Variants in CCDC125 observed in about 807,000 individuals in gnomAD.
The protein encoded by CCDC125 is coiled-coil domain containing 125, also known as coiled-coil domain-containing protein 125.
CCDC125 carries 43 observed loss-of-function variants against 57.4 expected under a neutral mutation model. The observed-to-expected ratio is 0.75, with a 90% confidence interval of 0.59 to 0.97. The LOEUF (loss-of-function observed/expected upper bound fraction) is 0.97, where lower values mean the gene tolerates loss of function less well. CCDC125 is among the 50% of genes least tolerant of loss of function. CCDC125 has a pLI of 0.00. For synonymous variants in CCDC125, 187 were observed against 195.2 expected (o/e 0.96, Z 0.35); for missense variants, 563 against 595.7 (o/e 0.95, Z 0.57).
chr5:69,279,277 A>T (rs938808496), downstream of CCDC125, among the ~76,000 whole-genome samples: 3 of 148,726 alleles, frequency 2.0e-5, no homozygotes, highest in African/African-American at 7.5e-5. Context: ...GGCTCACTGC[A>T]ACCTCCGCCC....
At chr5:69,326,880 T>A (rs879432324) in intron 1 of CCDC125, among the ~76,000 whole-genome samples, 1 of 151,810 alleles carries the variant, frequency 6.6e-6, no homozygotes. Context: ...TGAGACCTCA[T>A]GTCTACAAAA....
intron 2 of CCDC125, among the ~76,000 whole-genome samples, chr5:69,315,305 G>A (rs1304000489): frequency 6.6e-6 from 1 of 151,668 alleles, no homozygotes; most frequent in Non-Finnish European, 1.5e-5. Context: ...GCTTACACCT[G>A]TAATCCCAGC....
downstream of CCDC125, among the ~76,000 whole-genome samples, chr5:69,277,639 G>A (rs1443409860): frequency 6.6e-6 from 1 of 152,004 alleles, no homozygotes; most frequent in East Asian, 1.9e-4. Context: ...GCGTGGTGGT[G>A]GGCGCCTGTA....
intron 6 of CCDC125, 24 bp from the exon 7 acceptor site, chr5:69,303,953 A>T: frequency 7.6e-7 from 1 of 1,319,964 alleles, no homozygotes; most frequent in Non-Finnish European, 1.1e-6. Flanking sequence ...GCTTTCAAAT[A>T]ACTAAAACAT....
intron 1 of CCDC125, among the ~76,000 whole-genome samples, chr5:69,321,898 G>A (rs549574509): frequency 6.6e-5 from 10 of 151,962 alleles, no homozygotes; most frequent in Non-Finnish European, 1.3e-4. Context: ...GTGTGGTGGC[G>A]CAATCTTGAC....
intron 8 of CCDC125, among the ~76,000 whole-genome samples, chr5:69,298,353 TACA>T (rs1269632780): frequency 2.0e-5 from 3 of 152,156 alleles, no homozygotes; most frequent in Non-Finnish European, 4.4e-5. Flanking sequence ...TGACATAAAA[TACA>T]ATCCTTTTTA....
chr5:69,330,755 T>C (rs1761316618), intron 1 of CCDC125, among the ~76,000 whole-genome samples: 1 of 152,166 alleles, frequency 6.6e-6, no homozygotes, highest in Non-Finnish European at 1.5e-5. Flanking sequence ...CTAGGTCTTC[T>C]AGACCCAAAA....
At position 69,282,856 on chromosome 5, in the gene CCDC125, G is replaced by C; in HGVS notation, c.1409C>G (p.Pro470Arg). ...TAAAATGCAGACACTTGAATGTATA[G>C]GATCACCCAAAACAGAGAATTCTGA... The part of the protein sequence containing the change: ...KTSEFSVLGD[P>R]IHSSVCILNS... Residue 470 changes from proline (P) to arginine (R), a missense_variant, in exon 12 of 12, where the codon CCT becomes CGT. Coordinates refer to ENST00000396496, the MANE Select transcript of CCDC125 (RefSeq NM_176816.5). 1 of 1,614,034 alleles carries C rather than the reference G, an allele frequency of 6.2e-7. No homozygotes were observed. The highest frequency in any genetic ancestry group is 1.1e-5 in the South Asian group (1 of 91,088).
intron 1 of CCDC125, among the ~76,000 whole-genome samples, chr5:69,326,841 A>G (rs988686551): frequency 6.6e-6 from 1 of 152,040 alleles, no homozygotes; most frequent in Non-Finnish European, 1.5e-5. Flanking sequence ...GCTTGAGCCT[A>G]GTAGTTCAGA....
intron 9 of CCDC125, among the ~76,000 whole-genome samples, chr5:69,292,582 C>T (rs572009372): frequency 6.6e-6 from 1 of 152,304 alleles, no homozygotes; most frequent in African/African-American, 2.4e-5. Flanking sequence ...TGCCTGTCAA[C>T]TGCCTGCTAA....
At chr5:69,288,518 G>C (rs563402621) in intron 10 of CCDC125, among the ~76,000 whole-genome samples, 1 of 152,170 alleles carries the variant, frequency 6.6e-6, no homozygotes, top group Non-Finnish European at 1.5e-5. Flanking sequence ...ACGCCAAAGA[G>C]AGCATCCCTT....
intron 2 of CCDC125, 42 bp from the exon 3 acceptor site, chr5:69,314,088 T>G (rs1338888929): frequency 1.5e-6 from 2 of 1,378,168 alleles, no homozygotes; most frequent in South Asian, 1.2e-5. Context: ...GGAAAAATTT[T>G]GAATATTTTA....
intron 10 of CCDC125, among the ~76,000 whole-genome samples, chr5:69,290,741 T>C (rs950695986): frequency 6.6e-6 from 1 of 150,560 alleles, no homozygotes; most frequent in Non-Finnish European, 1.5e-5. Context: ...GCAATTCTCC[T>C]GCCTCAGCCT....
At chr5:69,330,436 A>G (rs1761272934) in intron 1 of CCDC125, among the ~76,000 whole-genome samples, 1 of 152,102 alleles carries the variant, frequency 6.6e-6, no homozygotes, top group Non-Finnish European at 1.5e-5. Flanking sequence ...TCTGCTAAAA[A>G]TACAAAAATT....
At chr5:69,318,536 A>G (rs1041480611) in intron 2 of CCDC125, among the ~76,000 whole-genome samples, 2 of 149,822 alleles carry the variant, frequency 1.3e-5, no homozygotes, top group South Asian at 2.1e-4. Flanking sequence ...TGAGGTCAGG[A>G]GTTTGAAACC....
At chr5:69,287,840 A>C (rs762685784) in intron 10 of CCDC125, among the ~76,000 whole-genome samples, 1 of 151,966 alleles carries the variant, frequency 6.6e-6, no homozygotes, top group Non-Finnish European at 1.5e-5. Context: ...AAGCGCTGGG[A>C]TTACAGGCAT....
At chr5:69,288,672 G>A (rs76198805) in intron 10 of CCDC125, among the ~76,000 whole-genome samples, 113 of 152,328 alleles carry the variant, frequency 7.4e-4, no homozygotes, top group Non-Finnish European at 1.1e-3. Context: ...TGAGGAGGGC[G>A]TCATGGGAGT....
chr5:69,286,562 A>G (rs966267059), intron 10 of CCDC125, among the ~76,000 whole-genome samples: 3 of 151,948 alleles, frequency 2.0e-5, no homozygotes, highest in Admixed American at 1.3e-4. Context: ...CACCATCACG[A>G]CAACAACAAA....
intron 1 of CCDC125, among the ~76,000 whole-genome samples, chr5:69,331,175 C>T (rs1281118219): frequency 1.3e-5 from 2 of 150,010 alleles, no homozygotes; most frequent in African/African-American, 2.4e-5. Context: ...TGGTGGCGGG[C>T]GCCTTTAATC....
Sources: allele counts gnomAD v4.1 joint callset (sites outside exome capture counted in the v4.1 genomes callset), GRCh38; gene constraint gnomAD v4.1.1; transcripts MANE v1.5; gene names NCBI Gene and HGNC (gene_info 2026-07-23, HGNC 2026-07-21).